Variants in DYRK1A observed in about 807,000 individuals in gnomAD.
DYRK1A encodes dual specificity tyrosine-phosphorylation-regulated kinase 1A.
Under a neutral mutation model 79.7 loss-of-function variants are expected in DYRK1A, and 9 were observed. The observed-to-expected ratio is 0.11, with a 90% confidence interval of 0.07 to 0.20. DYRK1A has a LOEUF of 0.20. Among genes scored for constraint, DYRK1A ranks in the 10% least tolerant of loss-of-function variants. The pLI is 1.00. For synonymous variants in DYRK1A, 349 were observed against 329.7 expected, an observed-to-expected ratio of 1.06 and a Z score of -0.63; for missense variants, 622 against 956.0, an observed-to-expected ratio of 0.65 and a Z score of 4.61.
intron 9 of DYRK1A, chr21:37,502,414 T>G (rs534317262): frequency 6.6e-6 from 1 of 152,314 alleles, no homozygotes; most frequent in African/African-American, 2.4e-5. Flanking sequence ...ATTTTTTTAC[T>G]TATTCCTCTA....
chr21:37,379,771 C>T (rs1007614926), intron 1 of DYRK1A, among the ~76,000 whole-genome samples: 1 of 152,126 alleles, frequency 6.6e-6, no homozygotes, highest in African/African-American at 2.4e-5. Flanking sequence ...TGAAAAAAAT[C>T]TCATATTCTC....
Position 37,374,240 on chromosome 21 carries a change from A to G in DYRK1A, c.-77+6612A>G, listed in dbSNP as rs139006540. ...TTCTTGCTCATACCCTCAGCAAACA[A>G]TGCTACAATAACACTCGCATGTTGT... On this transcript the variant is annotated intron_variant, in intron 1 of 11. Transcript: ENST00000647188. Among the ~76,000 whole-genome samples, 252 of 151,822 alleles carry G rather than the reference A, an allele frequency of 1.7e-3. 2 individuals are homozygous for G. The highest frequency in any genetic ancestry group is 5.6e-3 in the African/African-American group (232 of 41,346).
At chr21:37,369,693 T>C (rs1299215354) in intron 1 of DYRK1A, among the ~76,000 whole-genome samples, 1 of 152,244 alleles carries the variant, frequency 6.6e-6, no homozygotes, top group African/African-American at 2.4e-5. Context: ...ACACTCCTTT[T>C]TACCTGGTGG....
At chr21:37,385,300 G>A (rs1478519916) in intron 1 of DYRK1A, among the ~76,000 whole-genome samples, 1 of 151,994 alleles carries the variant, frequency 6.6e-6, no homozygotes. Flanking sequence ...ACTGCTTTAG[G>A]GTCTTAGAAG....
intron 2 of DYRK1A, chr21:37,421,912 C>T (rs2050486328): frequency 6.6e-6 from 1 of 152,068 alleles, no homozygotes; most frequent in South Asian, 2.1e-4. Context: ...ATAGATTTAT[C>T]TATGAATATT....
intron 1 of DYRK1A, among the ~76,000 whole-genome samples, chr21:37,416,489 T>G (rs1259704806): frequency 6.6e-6 from 1 of 151,930 alleles, no homozygotes; most frequent in Non-Finnish European, 1.5e-5. Flanking sequence ...TTCTTGTGTG[T>G]TAGGCATCAA....
chr21:37,499,412 T>G (rs2053372281), intron 9 of DYRK1A, among the ~76,000 whole-genome samples: 1 of 152,198 alleles, frequency 6.6e-6, no homozygotes, highest in South Asian at 2.1e-4. Context: ...TTCTAGGTCC[T>G]TTCTTTTCAC....
chr21:37,373,874 A>C (rs2257040), intron 1 of DYRK1A, among the ~76,000 whole-genome samples: 1 of 152,026 alleles, frequency 6.6e-6, no homozygotes, highest in Non-Finnish European at 1.5e-5. Context: ...GTTACACTTC[A>C]AAATGTTTTG....
At chr21:37,405,410 CCCA>C (rs2050129656) in intron 1 of DYRK1A, among the ~76,000 whole-genome samples, 1 of 152,178 alleles carries the variant, frequency 6.6e-6, no homozygotes, top group Admixed American at 6.5e-5. Flanking sequence ...GTCAAGTCAT[CCCA>C]CCTCTGTGAG....
chr21:37,525,936 C>CT lies in DYRK1A; in HGVS notation c.*13409dup, dbSNP rs2053964938. The CT allele has an allele frequency of 6.6e-6, 1 of 152,216 alleles. No homozygotes were observed. 9.4% of individuals were successfully genotyped at this position (152,216 alleles called of 1,614,324 possible). On this transcript the variant is annotated 3_prime_UTR_variant, in exon 12 of 12. Transcript: ENST00000647188. Reference sequence around the variant, plus strand: ...AACACTGAATAGTTTTGGAAATTCACTTTTGCTGCAGACTTGATAGTGTTT... The same window carrying CT: ...AACACTGAATAGTTTTGGAAATTCACTTTTTGCTGCAGACTTGATAGTGTTT...
At chr21:37,440,919 G>A (rs895568820) in intron 2 of DYRK1A, among the ~76,000 whole-genome samples, 12 of 152,120 alleles carry the variant, frequency 7.9e-5, no homozygotes, top group Non-Finnish European at 1.6e-4. Context: ...AGGTCAACTT[G>A]GTCGGTAGTG....
chr21:37,391,649 A>G (rs1368907035), intron 1 of DYRK1A, among the ~76,000 whole-genome samples: 1 of 152,214 alleles, frequency 6.6e-6, no homozygotes, highest in Admixed American at 6.5e-5. Flanking sequence ...TCTACAGCCT[A>G]TAATCTTCCA....
At chr21:37,506,627 C>T (rs556486911) in intron 11 of DYRK1A, among the ~76,000 whole-genome samples, 4 of 152,202 alleles carry the variant, frequency 2.6e-5, no homozygotes, top group African/African-American at 9.6e-5. Context: ...CATTTATAGT[C>T]CTGGATTCTG....
chr21:37,449,657 A>C (rs1259382156), intron 2 of DYRK1A, among the ~76,000 whole-genome samples: 1 of 152,216 alleles, frequency 6.6e-6, no homozygotes, highest in Non-Finnish European at 1.5e-5. Flanking sequence ...TCGTGTGGTC[A>C]AGGTAAACAA....
intron 8 of DYRK1A, among the ~76,000 whole-genome samples, chr21:37,493,573 T>G (rs1186166788): frequency 6.6e-6 from 1 of 152,166 alleles, no homozygotes; most frequent in Non-Finnish European, 1.5e-5. Context: ...GTCTGAATAA[T>G]GTAGAGTAAA....
At chr21:37,456,378 T>G (rs1270926896) in intron 2 of DYRK1A, 1 of 152,208 alleles carries the variant, frequency 6.6e-6, no homozygotes, top group African/African-American at 2.4e-5. Context: ...ATTCACAAGA[T>G]TCATGGCTAC....
intron 2 of DYRK1A, among the ~76,000 whole-genome samples, chr21:37,455,653 CCTT>C (rs1216037058): frequency 6.6e-6 from 1 of 152,122 alleles, no homozygotes; most frequent in Non-Finnish European, 1.5e-5. Flanking sequence ...ACAATTCCCT[CCTT>C]AAGGGCTCTC....
chr21:37,469,802 A>G (rs956565897), intron 2 of DYRK1A, among the ~76,000 whole-genome samples: 1 of 152,180 alleles, frequency 6.6e-6, no homozygotes, highest in Non-Finnish European at 1.5e-5. Flanking sequence ...CCCTCCTCCA[A>G]TATTGGGGAT....
rs138755502 is a variant in DYRK1A at position 37,496,201 on chromosome 21, C to T, written c.1155C>T (p.Phe385=). 75 of 1,613,912 alleles carry T rather than the reference C, an allele frequency of 4.6e-5. No individual in the cohort carries two copies. Among genetic ancestry groups the T allele is most frequent in the Non-Finnish European group, 5.7e-5 (67 of 1,179,988 alleles). The change falls in exon 9 of 12, where the codon TTC becomes TTT. Residue 385 remains phenylalanine (F), a synonymous_variant. Coordinates refer to ENST00000647188, the MANE Select transcript of DYRK1A (RefSeq NM_001347721.2). ...ILDQAPKARK[F]FEKLPDGTWN... ...ACCAAGCACCAAAAGCAAGAAAGTTCTTTGAGAAGTTGCCAGATGGCACTT... is the reference window on the plus strand; with the variant it reads ...ACCAAGCACCAAAAGCAAGAAAGTTTTTTGAGAAGTTGCCAGATGGCACTT...
Sources: gnomAD v4.1 joint callset for allele counts (sites outside exome capture counted in the v4.1 genomes callset) on GRCh38, gnomAD v4.1.1 for gene constraint, MANE v1.5 for transcripts, NCBI Gene and HGNC (gene_info 2026-07-23, HGNC 2026-07-21) for gene names.